Variants in EPG5 observed in about 807,000 individuals in gnomAD.
The protein encoded by EPG5 is ectopic P-granules 5 autophagy tethering factor, also known as ectopic P granules protein 5 homolog.
A neutral mutation model predicts 302.7 loss-of-function variants in EPG5; 159 were observed. That is an observed-to-expected ratio of 0.53 (90% confidence interval 0.46 to 0.60). The LOEUF (loss-of-function observed/expected upper bound fraction) is 0.60, where lower values mean the gene tolerates loss of function less well. Among genes scored for constraint, EPG5 ranks in the 20% least tolerant of loss-of-function variants. The probability of loss-of-function intolerance (pLI) is 0.00; values close to 1 mark genes in which losing one functional copy is unlikely to be tolerated. For synonymous variants in EPG5, 1,158 were observed against 1,136.8 expected, an observed-to-expected ratio of 1.02 and a Z score of -0.37; for missense variants, 2,896 against 3,092.4, an observed-to-expected ratio of 0.94 and a Z score of 1.51.
chr18:45,821,514 C>T, the EPG5 span, among the ~76,000 whole-genome samples: 1 of 152,010 alleles, frequency 6.6e-6, no homozygotes, highest in Non-Finnish European at 1.5e-5. Flanking sequence ...TAGAAGGAAA[C>T]ATAGGGGAAA....
chr18:45,912,603 C>G, intron 21 of EPG5, 147 bp from the exon 22 acceptor site: 1 of 832,432 alleles, frequency 1.2e-6, no homozygotes, highest in East Asian at 2.9e-5. Flanking sequence ...ACTCACTTCT[C>G]CAATCCACTA....
Position 45,915,514 on chromosome 18 carries a change from A to C in EPG5, c.3690T>G (p.Thr1230=), listed in dbSNP as rs537080513. The C allele has an allele frequency of 3.1e-6, 5 of 1,609,580 alleles. No individual in the cohort carries two copies. In the East Asian group the frequency reaches 6.7e-5, roughly 22 times the overall value. Residue 1230 remains threonine, a synonymous_variant, in exon 20 of 44, where the codon ACT becomes ACG. Coordinates refer to ENST00000282041, the MANE Select transcript of EPG5 (RefSeq NM_020964.3). ...ATCCTCTCAGTGAGTTTCCTACCTG[A>C]GTGGGCGTGGCCAAGCCCTCCACAA... ...PSFVEGLATP[T]QVWFAWTVLN...
At chr18:45,838,821 C>T in the EPG5 span, 7 of 1,560,934 alleles carry the variant, frequency 4.5e-6, no homozygotes, top group South Asian at 2.3e-5. Context: ...TCGCCTGGTC[C>T]GGCCCGGCCC....
At chr18:45,853,074 C>T (rs999785864) in intron 43 of EPG5, among the ~76,000 whole-genome samples, 5 of 152,204 alleles carry the variant, frequency 3.3e-5, no homozygotes, top group African/African-American at 1.2e-4. Context: ...AGGGCGCAAC[C>T]GGAAATCCCA....
At chr18:45,956,766 T>C (rs2051043575) in intron 1 of EPG5, among the ~76,000 whole-genome samples, 1 of 151,752 alleles carries the variant, frequency 6.6e-6, no homozygotes, top group Non-Finnish European at 1.5e-5. Flanking sequence ...TTCCATGCCA[T>C]AGAATGTACG....
At chr18:45,872,194 G>C (rs570291022) in intron 35 of EPG5, among the ~76,000 whole-genome samples, 1 of 152,116 alleles carries the variant, frequency 6.6e-6, no homozygotes, top group South Asian at 2.1e-4. Flanking sequence ...TAAATCTCAC[G>C]CTTTTCTGAG....
At chr18:45,893,145 G>A (rs948873632) in intron 27 of EPG5, among the ~76,000 whole-genome samples, 1 of 152,188 alleles carries the variant, frequency 6.6e-6, no homozygotes, top group Non-Finnish European at 1.5e-5. Flanking sequence ...GGGAAAAGTA[G>A]GGGTCTTGAA....
intron 28 of EPG5, among the ~76,000 whole-genome samples, chr18:45,889,153 A>T (rs1184545135): frequency 6.6e-6 from 1 of 152,214 alleles, no homozygotes; most frequent in Non-Finnish European, 1.5e-5. Context: ...TGAGGGGATC[A>T]GCTGTTGGAA....
rs769882885 is a variant in EPG5 at position 45,858,557 on chromosome 18, C to G, written c.7226+9G>C. 6.2e-6 allele frequency: 10 copies of G among 1,610,642 alleles called. No homozygotes were observed. In the East Asian group the frequency reaches 2.2e-4, roughly 36 times the overall value. On this transcript the variant is annotated intron_variant, in intron 41 of 43. Transcript: ENST00000282041. ...CAAGTTTGATGTAACAGCCTGAGGG[C>G]CAACGTACCTTGGGTACACCTGTTC... is the stretch of plus-strand genomic sequence containing the variant.
At chr18:45,911,118 T>TATAC (rs2049887717) in intron 22 of EPG5, among the ~76,000 whole-genome samples, 1 of 148,708 alleles carries the variant, frequency 6.7e-6, no homozygotes, top group African/African-American at 2.6e-5. Context: ...CACATATATA[T>TATAC]ATATATATAC....
chr18:45,912,251 A>C (rs752933870), intron 22 of EPG5, 39 bp downstream of exon 22: 4 of 1,514,512 alleles, frequency 2.6e-6, no homozygotes, highest in South Asian at 2.7e-5. Context: ...GCAAAGGCAG[A>C]AATGGACTCA....
At chr18:45,962,598 C>T (rs10432197) in intron 1 of EPG5, among the ~76,000 whole-genome samples, 45,029 of 152,018 alleles carry the variant, frequency 0.3, 9,276 homozygotes, top group African/African-American at 0.57. Flanking sequence ...TACCTAACCA[C>T]AACCTAGCAG....
At chr18:45,884,495 G>A (rs1429126163) in intron 30 of EPG5, 122 bp downstream of exon 30, 1 of 786,856 alleles carries the variant, frequency 1.3e-6, no homozygotes, top group African/African-American at 1.8e-5. Flanking sequence ...CTGTGAAAAA[G>A]GCCTCTCAGC....
Position 45,954,563 on chromosome 18 carries a change from T to C in EPG5, c.839A>G (p.Asp280Gly). Reference sequence around the variant, plus strand: ...ATGCCTGTCTTGATGAGCCATGCTGTCAAATTCTTCTAAATATGACTCAAC... The same window carrying C: ...ATGCCTGTCTTGATGAGCCATGCTGCCAAATTCTTCTAAATATGACTCAAC... ...ENVESYLEEF[D>G]SMAHQDRHEF... The change falls in exon 2 of 44, where the codon GAC becomes GGC. Residue 280 changes from aspartate (D) to glycine (G), a missense_variant. By Grantham distance (94) the Asp-to-Gly change is moderately conservative (BLOSUM62 -1). Transcript: ENST00000282041. 6.2e-7 allele frequency: 1 copy of C among 1,614,238 alleles called. No homozygotes were observed. Among genetic ancestry groups the C allele is most frequent in the Non-Finnish European group, 8.5e-7 (1 of 1,180,044 alleles).
chr18:45,922,575 C>A lies in EPG5; in HGVS notation c.2864G>T (p.Arg955Leu). ...KQVSYLASIV[R>L]YGETPETSFN... ...TGAGGTCTCGGGTGTCTCTCCATAT[C>A]GAACAATACTGGCCAAATATGAAAC... The change falls in exon 16 of 44, where the codon CGA becomes CTA. Residue 955 changes from arginine to leucine, a missense_variant. Physicochemically the swap from Arg to Leu is moderately radical, Grantham distance 102. Transcript: ENST00000282041. The A allele has an allele frequency of 6.2e-7, 1 of 1,614,128 alleles. No homozygotes were observed. The highest frequency in any genetic ancestry group is 1.1e-5 in the South Asian group (1 of 91,080).
chr18:45,869,103 A>G (rs2145294843), intron 36 of EPG5, among the ~76,000 whole-genome samples: 1 of 152,204 alleles, frequency 6.6e-6, no homozygotes, highest in African/African-American at 2.4e-5. Flanking sequence ...ACTATAAAGT[A>G]TATAAGAAAC....
intron 10 of EPG5, among the ~76,000 whole-genome samples, chr18:45,936,418 T>C (rs1480891703): frequency 1.3e-5 from 2 of 151,888 alleles, no homozygotes; most frequent in African/African-American, 2.4e-5. Flanking sequence ...ATGGTGGCCA[T>C]GCCCCAAGTC....
intron 18 of EPG5, 46 bp downstream of exon 18, chr18:45,916,392 T>C (rs1568151845): frequency 5.0e-6 from 8 of 1,592,152 alleles, no homozygotes; most frequent in Non-Finnish European, 6.9e-6. Context: ...AGGTCTTGGT[T>C]GGGAAGACAG....
At chr18:45,871,592 G>C (rs907384371) in intron 35 of EPG5, among the ~76,000 whole-genome samples, 1 of 152,212 alleles carries the variant, frequency 6.6e-6, no homozygotes, top group Non-Finnish European at 1.5e-5. Flanking sequence ...TGGAATACCA[G>C]TCTGCCTTAG....
Sources: allele counts gnomAD v4.1 joint callset (sites outside exome capture counted in the v4.1 genomes callset), GRCh38; gene constraint gnomAD v4.1.1; transcripts MANE v1.5; gene names NCBI Gene and HGNC (gene_info 2026-07-23, HGNC 2026-07-21).